ACSL5: variants seen among roughly 807,000 people sequenced by gnomAD.
ACSL5 encodes the protein acyl-CoA synthetase long chain family member 5.
In ACSL5, 50 loss-of-function variants were observed where a neutral mutation model predicts 84.9. The ratio of observed to expected loss-of-function variants is 0.59; its 90% CI spans 0.47 to 0.75. The LOEUF (loss-of-function observed/expected upper bound fraction) is 0.75, where lower values mean the gene tolerates loss of function less well. Ranked by LOEUF, ACSL5 falls within the 30% of genes least tolerant of loss-of-function variation. The pLI is 0.00. For synonymous variants in ACSL5, 280 were observed against 300.7 expected (o/e 0.93, Z 0.71); for missense variants, 775 against 830.4 (o/e 0.93, Z 0.82).
At chr10:112,374,870 T>A (rs762387801) in intron 1 of ACSL5, among the ~76,000 whole-genome samples, 3 of 152,094 alleles carry the variant, frequency 2.0e-5, no homozygotes, top group Non-Finnish European at 4.4e-5. Flanking sequence ...ACTTGATTGG[T>A]CAGTTTCCAC....
At chr10:112,377,926 A>G (rs1849271852) in intron 1 of ACSL5, among the ~76,000 whole-genome samples, 1 of 152,244 alleles carries the variant, frequency 6.6e-6, no homozygotes, top group African/African-American at 2.4e-5. Flanking sequence ...TTCAAATTTA[A>G]TTATTAAAAA....
intron 14 of ACSL5, among the ~76,000 whole-genome samples, chr10:112,418,266 C>A (rs1844364395): frequency 6.6e-6 from 1 of 152,152 alleles, no homozygotes; most frequent in Admixed American, 6.5e-5. Context: ...ACCCCCATGG[C>A]AGTCAAAAAT....
At chr10:112,421,465 C>G in intron 14 of ACSL5, 128 bp from the exon 15 acceptor site, 1 of 774,846 alleles carries the variant, frequency 1.3e-6, no homozygotes, top group Non-Finnish European at 2.2e-6. Context: ...CCTCCAAGTT[C>G]AAGGTTTTAA....
chr10:112,417,837 A>C lies in ACSL5; in HGVS notation c.1219-9A>C, dbSNP rs745703944. On this transcript the variant is annotated splice_polypyrimidine_tract_variant and intron_variant, in intron 13 of 20. Transcript: ENST00000354655. ...AGGTTTTAGTATGTCTTTTGTTTCCACTGAACAGGACAGCCTGGGCGGAAG... is the reference window on the plus strand; with the variant it reads ...AGGTTTTAGTATGTCTTTTGTTTCCCCTGAACAGGACAGCCTGGGCGGAAG... 2.5e-6 allele frequency: 4 copies of C among 1,613,380 alleles called. No individual in the cohort carries two copies.
intron 7 of ACSL5, chr10:112,410,014 G>T: frequency 3.7e-6 from 1 of 271,010 alleles, no homozygotes; most frequent in Non-Finnish European, 5.7e-6. Flanking sequence ...GGCAACCTTG[G>T]GCAATCTCAT....
chr10:112,404,472 G>A, intron 3 of ACSL5, 39 bp from the exon 4 acceptor site: 1 of 1,516,582 alleles, frequency 6.6e-7, no homozygotes, highest in Non-Finnish European at 9.1e-7. Flanking sequence ...CAGAGAATTT[G>A]CAACTGGAGT....
At chr10:112,414,242 T>A (rs1285070843) in intron 12 of ACSL5, among the ~76,000 whole-genome samples, 1 of 152,182 alleles carries the variant, frequency 6.6e-6, no homozygotes, top group Non-Finnish European at 1.5e-5. Flanking sequence ...TTATCAATCT[T>A]CAGAAGAATG....
chr10:112,385,393 TG>T (rs1355379878), intron 1 of ACSL5, among the ~76,000 whole-genome samples: 1 of 152,212 alleles, frequency 6.6e-6, no homozygotes, highest in African/African-American at 2.4e-5. Flanking sequence ...GATAAGCTGA[TG>T]GTAGAATTAC....
chr10:112,384,023 G>C, intron 1 of ACSL5, among the ~76,000 whole-genome samples: 1 of 151,860 alleles, frequency 6.6e-6, no homozygotes, highest in Non-Finnish European at 1.5e-5. Context: ...GCGAAATCCT[G>C]TCTCTACTAA....
rs1188649188 is a variant in ACSL5 at position 112,422,448 on chromosome 10, A to G, written c.1593+7A>G. On this transcript the variant is annotated splice_region_variant and intron_variant, in intron 17 of 20. Coordinates refer to ENST00000354655, the MANE Select transcript of ACSL5 (RefSeq NM_203379.2). ...CATTGGTCGCTGGCTCCCGGTAGGT[A>G]TATCATCAGAACTCCTGGAAGTCTA... is the stretch of plus-strand genomic sequence containing the variant. The G allele has an allele frequency of 6.2e-6, 10 of 1,611,262 alleles. No homozygotes were observed. Among genetic ancestry groups the G allele is most frequent in the African/African-American group, 1.3e-5 (1 of 74,840 alleles).
At chr10:112,418,040 G>A (rs1474373890) in intron 14 of ACSL5, 99 bp downstream of exon 14, 1 of 938,848 alleles carries the variant, frequency 1.1e-6, no homozygotes, top group African/African-American at 1.7e-5. Flanking sequence ...GTACCAAAAT[G>A]AAAGTCACCT....
Position 112,404,518 on chromosome 10 carries a change from GC to G in ACSL5, c.276del (p.Cys93AlafsTer66). On this transcript the variant is annotated frameshift_variant, in exon 4 of 21. Transcript: ENST00000354655. LOFTEE classifies it high-confidence loss of function. ...TTAATATTATGTTTTTAGACAATGG[GC>G]CCTGCTTGGGATATAGAAAACCAAA... ...QRGLAVSDNG[P>X]CLGYRKPNQP... is the part of the protein sequence containing the mutation. 6.2e-7 allele frequency: 1 copy of G among 1,612,848 alleles called. No individual in the cohort carries two copies. The highest frequency in any genetic ancestry group is 1.3e-5 in the African/African-American group (1 of 74,996).
At chr10:112,386,278 C>G (rs928088485) in intron 1 of ACSL5, among the ~76,000 whole-genome samples, 2 of 143,856 alleles carry the variant, frequency 1.4e-5, no homozygotes, top group African/African-American at 5.2e-5. Flanking sequence ...ACTGCGATCT[C>G]CACCTCCTGG....
intron 14 of ACSL5, 103 bp downstream of exon 14, chr10:112,418,044 G>C: frequency 7.9e-5 from 69 of 876,508 alleles, no homozygotes; most frequent in Non-Finnish European, 1.1e-4. Flanking sequence ...CAAAATGAAA[G>C]TCACCTAAAT....
intron 1 of ACSL5, 42 bp from the exon 2 acceptor site, chr10:112,394,876 G>A: frequency 6.2e-7 from 1 of 1,601,644 alleles, no homozygotes; most frequent in African/African-American, 1.3e-5. Context: ...CAAAAATATG[G>A]CCATTTCCTC....
At chr10:112,421,111 T>C (rs1185814071) in intron 14 of ACSL5, among the ~76,000 whole-genome samples, 2 of 152,210 alleles carry the variant, frequency 1.3e-5, no homozygotes, top group Non-Finnish European at 2.9e-5. Flanking sequence ...TGGTAGTAAA[T>C]ACTTTGCAGC....
chr10:112,426,988 T>G, intron 20 of ACSL5, 129 bp downstream of exon 20: 13 of 936,606 alleles, frequency 1.4e-5, no homozygotes, highest in Non-Finnish European at 2.1e-5. Flanking sequence ...AACTACAAAA[T>G]GACCTTTTGT....
intron 3 of ACSL5, among the ~76,000 whole-genome samples, chr10:112,399,869 G>A (rs962588309): frequency 1.3e-5 from 2 of 152,178 alleles, no homozygotes; most frequent in African/African-American, 2.4e-5. Context: ...TGAGGACCCA[G>A]ACTCACAGCT....
chr10:112,382,195 C>T (rs1849364030), intron 1 of ACSL5, among the ~76,000 whole-genome samples: 1 of 152,360 alleles, frequency 6.6e-6, no homozygotes, highest in South Asian at 2.1e-4. Flanking sequence ...GACTGCTTAG[C>T]GTTGCCCTTC....
Sources: gnomAD v4.1 joint callset for allele counts (sites outside exome capture counted in the v4.1 genomes callset) on GRCh38, gnomAD v4.1.1 for gene constraint, MANE v1.5 for transcripts, NCBI Gene and HGNC (gene_info 2026-07-23, HGNC 2026-07-21) for gene names.